LY86: variants seen among roughly 807,000 people sequenced by gnomAD.
LY86 encodes MD-1, RP105-associated.
A neutral mutation model predicts 17.3 loss-of-function variants in LY86; 20 were observed. That is an observed-to-expected ratio of 1.15 (90% CI 0.81 to 1.68). LY86 has a LOEUF of 1.68. LY86 is among the 40% of genes most tolerant of loss of function. The pLI is 0.00. For missense variants in LY86, 200 were observed against 191.9 expected (o/e 1.04, Z -0.25); for synonymous variants, 74 against 70.6 (o/e 1.05, Z -0.24).
intron 1 of LY86, among the ~76,000 whole-genome samples, chr6:6,601,811 C>T (rs1345092518): frequency 6.6e-6 from 1 of 152,198 alleles, no homozygotes; most frequent in Non-Finnish European, 1.5e-5. Flanking sequence ...CTGTTTCCCT[C>T]CATCTTATTG....
intron 1 of LY86, among the ~76,000 whole-genome samples, chr6:6,606,778 C>T (rs561726737): frequency 2.6e-5 from 4 of 152,076 alleles, no homozygotes; most frequent in African/African-American, 4.8e-5. Flanking sequence ...AAGCGCCGCG[C>T]GCAGCCCGGG....
intron 1 of LY86, among the ~76,000 whole-genome samples, chr6:6,623,365 G>A (rs1380510598): frequency 6.6e-6 from 1 of 152,194 alleles, no homozygotes; most frequent in Non-Finnish European, 1.5e-5. Flanking sequence ...AGTCTCAGCT[G>A]AAGCTGGGAA....
chr6:6,626,125 G>T (rs1412735806), intron 2 of LY86, among the ~76,000 whole-genome samples, 168 bp from the exon 3 acceptor site: 1 of 152,198 alleles, frequency 6.6e-6, no homozygotes, highest in Non-Finnish European at 1.5e-5. Flanking sequence ...ATCCCCTGTA[G>T]CATTGCCTAA....
chr6:6,652,016 A>C (rs1174038315), intron 4 of LY86, among the ~76,000 whole-genome samples: 1 of 133,716 alleles, frequency 7.5e-6, no homozygotes, highest in African/African-American at 2.9e-5. Flanking sequence ...AGATCACACC[A>C]CTGCACTCCA....
At chr6:6,607,036 G>A (rs1461952578) in intron 1 of LY86, among the ~76,000 whole-genome samples, 5 of 152,278 alleles carry the variant, frequency 3.3e-5, no homozygotes, top group Admixed American at 3.3e-4. Flanking sequence ...GGAGGGGATT[G>A]CACGGGACGT....
chr6:6,632,307 T>C (rs1427714624), intron 3 of LY86, among the ~76,000 whole-genome samples: 1 of 152,184 alleles, frequency 6.6e-6, no homozygotes, highest in Non-Finnish European at 1.5e-5. Context: ...ACAGCTGCCA[T>C]GGACAGTCTG....
intron 1 of LY86, among the ~76,000 whole-genome samples, chr6:6,606,726 G>C (rs1352317669): frequency 6.6e-6 from 1 of 152,208 alleles, no homozygotes; most frequent in Non-Finnish European, 1.5e-5. Context: ...CACTTGCGGG[G>C]CCCGCTGAGC....
chr6:6,598,759 C>T (rs531298890), intron 1 of LY86, among the ~76,000 whole-genome samples: 1 of 23,098 alleles, frequency 4.3e-5, no homozygotes, highest in East Asian at 4.4e-3. Flanking sequence ...CTGCCCTTGC[C>T]TTCTCCCATT....
intron 1 of LY86, among the ~76,000 whole-genome samples, chr6:6,596,812 C>T (rs9504860): frequency 0.019 from 2,945 of 152,218 alleles, 65 homozygotes; most frequent in East Asian, 0.06. Context: ...GAACGTTTTA[C>T]AGCCCAACCT....
chr6:6,623,337 T>C (rs1012053184), intron 1 of LY86, among the ~76,000 whole-genome samples: 2 of 152,062 alleles, frequency 1.3e-5, no homozygotes, highest in African/African-American at 4.8e-5. Flanking sequence ...TGCAGTAGCT[T>C]AGGGCCCCGC....
intron 1 of LY86, among the ~76,000 whole-genome samples, chr6:6,606,066 G>A (rs987001356): frequency 2.6e-5 from 4 of 152,138 alleles, no homozygotes; most frequent in African/African-American, 9.7e-5. Context: ...GCTAGCGCGG[G>A]CAGCCTGCTT....
At chr6:6,649,474 T>C in intron 3 of LY86, 151 bp from the exon 4 acceptor site, 1 of 592,448 alleles carries the variant, frequency 1.7e-6, no homozygotes, top group Non-Finnish European at 2.9e-6. Context: ...GAATGGTAGG[T>C]GTAGATCAGG....
intron 1 of LY86, among the ~76,000 whole-genome samples, chr6:6,595,262 GGGAGGA>G (rs150697721): frequency 0.014 from 2,115 of 150,202 alleles, 51 homozygotes; most frequent in African/African-American, 0.047. Context: ...AGGAGGGAAG[GGGAGGA>G]GGAGGATGAG....
chr6:6,616,307 G>A (rs191357676), intron 1 of LY86, among the ~76,000 whole-genome samples: 3 of 152,266 alleles, frequency 2.0e-5, no homozygotes, highest in East Asian at 3.9e-4. Context: ...ATCTGGACTC[G>A]TTTCGCCTCC....
At chr6:6,614,376 TC>T (rs1201148564) in intron 1 of LY86, among the ~76,000 whole-genome samples, 3 of 118,842 alleles carry the variant, frequency 2.5e-5, no homozygotes, top group African/African-American at 1.0e-4. Flanking sequence ...TAATCACGTC[TC>T]TTTTTTTTTT....
At chr6:6,612,801 G>C (rs746502799) in intron 1 of LY86, among the ~76,000 whole-genome samples, 1 of 152,234 alleles carries the variant, frequency 6.6e-6, no homozygotes, top group Non-Finnish European at 1.5e-5. Flanking sequence ...CCCTGAGCTA[G>C]ACACAGAGTG....
intron 1 of LY86, among the ~76,000 whole-genome samples, chr6:6,603,603 C>CAACAAAACAAAAAAAAA (rs1207511602): frequency 1.4e-5 from 1 of 70,464 alleles, no homozygotes; most frequent in South Asian, 4.2e-4. Flanking sequence ...AAAACAGAAA[C>CAACAAAACAAAAAAAAA]AGAAAAAAAA....
chr6:6,624,487 C>T (rs1178300244), intron 1 of LY86, among the ~76,000 whole-genome samples: 6 of 151,422 alleles, frequency 4.0e-5, no homozygotes, highest in African/African-American at 1.5e-4. Context: ...TATTTTGAGC[C>T]TAAGTATTAA....
rs1207511602 is a variant in LY86 at position 6,603,603 on chromosome 6, C to CAAAAAAAAAAAAAAAAAAAAAAAAAAA, written c.136+14734_136+14735insAAAAAAAAAAAAAAAAAAAAAAAAAAA. Among the ~76,000 whole-genome samples the CAAAAAAAAAAAAAAAAAAAAAAAAAAA allele has an allele frequency of 5.4e-4, 38 of 70,446 alleles. 1 individual carries two copies. Among genetic ancestry groups the CAAAAAAAAAAAAAAAAAAAAAAAAAAA allele is most frequent in the Non-Finnish European group, 1.0e-3 (31 of 31,128 alleles). The allele number at this position is 70,446 out of a possible 152,430, so 46.2% of individuals were successfully genotyped here. ...CCAAAGCCAAAAACAAAAACAGAAA[C>CAAAAAAAAAAAAAAAAAAAAAAAAAAA]AGAAAAAAAAACAAACAAAAAAAAA... On this transcript the variant is annotated intron_variant, in intron 1 of 4. Coordinates refer to ENST00000230568, the MANE Select transcript of LY86 (RefSeq NM_004271.4).
Sources: gnomAD v4.1 joint callset for allele counts (sites outside exome capture counted in the v4.1 genomes callset) on GRCh38, gnomAD v4.1.1 for gene constraint, MANE v1.5 for transcripts, NCBI Gene and HGNC (gene_info 2026-07-23, HGNC 2026-07-21) for gene names.